Variants in ADCY8 observed in about 807,000 individuals in gnomAD.
ADCY8 encodes adenylate cyclase 8.
Under a neutral mutation model 119.7 loss-of-function variants are expected in ADCY8, and 51 were observed. The observed-to-expected ratio is 0.43, with a 90% confidence interval of 0.34 to 0.54. The LOEUF is 0.54. Among genes scored for constraint, ADCY8 ranks in the 20% least tolerant of loss-of-function variants. ADCY8 has a pLI of 0.03. For synonymous variants in ADCY8, 665 were observed against 651.0 expected, an observed-to-expected ratio of 1.02 and a Z score of -0.33; for missense variants, 1,383 against 1,598.8, an observed-to-expected ratio of 0.87 and a Z score of 2.30.
In ADCY8 at chr8:130,827,426, C is replaced by G. The variant is rs541100086; in HGVS notation, c.2676-6006G>C. On this transcript the variant is annotated intron_variant, in intron 12 of 17. Transcript: ENST00000286355. ...GCATAATAAGATTAGGGTGGGGCAG[C>G]CAGCTTTCCCCATGCTCTATGTAAA... Among the ~76,000 whole-genome samples, 8 of 152,236 alleles carry G rather than the reference C, an allele frequency of 5.3e-5. No homozygotes were observed. In the South Asian group the frequency reaches 1.5e-3, roughly 28 times the overall value.
chr8:130,946,234 G>T (rs1200067864), intron 3 of ADCY8, among the ~76,000 whole-genome samples: 1 of 152,202 alleles, frequency 6.6e-6, no homozygotes, highest in Non-Finnish European at 1.5e-5. Context: ...GTGAGCAGAT[G>T]ATAGCATCAT....
intron 1 of ADCY8, among the ~76,000 whole-genome samples, chr8:130,992,724 T>A (rs1226994039): frequency 1.3e-5 from 2 of 151,856 alleles, no homozygotes; most frequent in African/African-American, 2.4e-5. Flanking sequence ...CAAAAAAAAA[T>A]TTTTAAATGA....
At chr8:130,926,880 TC>T (rs1360147287) in intron 5 of ADCY8, among the ~76,000 whole-genome samples, 3 of 151,836 alleles carry the variant, frequency 2.0e-5, no homozygotes, top group African/African-American at 7.3e-5. Context: ...ATGTCCACGT[TC>T]ATCTATATTA....
At position 130,951,873 on chromosome 8, in the gene ADCY8, G is replaced by A. The variant is rs755383361; in HGVS notation, c.1236C>T (p.Asn412=). The A allele has an allele frequency of 9.9e-6, 16 of 1,613,852 alleles. No homozygotes were observed. Among genetic ancestry groups the A allele is most frequent in the Middle Eastern group, 1.6e-4 (1 of 6,072 alleles). Residue 412 remains asparagine (N), a synonymous_variant, in exon 3 of 18, where the codon AAC becomes AAT. Transcript: ENST00000286355. ...AAGGGTGTTGTGTTTCTCACCTGACGTTCTCATAGCGATGGATGTAGATCC... is the reference window on the plus strand; with the variant it reads ...AAGGGTGTTGTGTTTCTCACCTGACATTCTCATAGCGATGGATGTAGATCC... ...FHRIYIHRYE[N]VSILFADVKG... is the part of the protein sequence containing the mutation.
intron 7 of ADCY8, among the ~76,000 whole-genome samples, chr8:130,887,560 C>A (rs1342446714): frequency 6.6e-6 from 1 of 152,098 alleles, no homozygotes. Flanking sequence ...TTACATATGA[C>A]AATTACAAAT....
In ADCY8 at chr8:130,846,916, C is replaced by T. The variant is rs539907798; in HGVS notation, c.2502+508G>A. Among the ~76,000 whole-genome samples the T allele has an allele frequency of 6.7e-5, 8 of 118,780 alleles. No individual in the cohort carries two copies. In the South Asian group the frequency reaches 1.7e-3, roughly 25 times the overall value. 77.9% of individuals were successfully genotyped at this position (118,780 alleles called of 152,430 possible). On this transcript the variant is annotated intron_variant, in intron 11 of 17. Coordinates refer to ENST00000286355, the MANE Select transcript of ADCY8 (RefSeq NM_001115.3). ...CCTTCCTTCCTTCCTTCCTTCCTTC[C>T]TTCCTTCCTTCCTTCCTTCCTTCTC...
Position 130,874,520 on chromosome 8 carries a change from C to G in ADCY8, c.2110-6574G>C, listed in dbSNP as rs187227371. ...ACAGGTGAGTGTGCAGAATGTCTCA[C>G]TGACATACTTCTTCCCAAGCAAACT... On this transcript the variant is annotated intron_variant, in intron 8 of 17. Coordinates refer to ENST00000286355, the MANE Select transcript of ADCY8 (RefSeq NM_001115.3). 1.3e-3 allele frequency among the ~76,000 whole-genome samples: 191 copies of G among 152,164 alleles called. 4 individuals are homozygous for G. The South Asian group carries it at 0.039, about 31-fold the overall frequency.
At chr8:130,817,517 G>A (rs765778015) in intron 13 of ADCY8, among the ~76,000 whole-genome samples, 2 of 151,990 alleles carry the variant, frequency 1.3e-5, no homozygotes, top group Admixed American at 6.6e-5. Flanking sequence ...TTTTTAATAC[G>A]GGAAACCAGG....
chr8:130,796,543 C>T (rs1815583065), intron 15 of ADCY8, among the ~76,000 whole-genome samples: 1 of 152,086 alleles, frequency 6.6e-6, no homozygotes, highest in South Asian at 2.1e-4. Flanking sequence ...TTAAAGTGAA[C>T]AGCAGGGGTC....
At chr8:130,818,772 C>T (rs1387931986) in intron 13 of ADCY8, among the ~76,000 whole-genome samples, 1 of 152,164 alleles carries the variant, frequency 6.6e-6, no homozygotes, top group Admixed American at 6.5e-5. Context: ...TGAAGTGATA[C>T]AACCCTGCAG....
chr8:131,008,040 TC>T (rs150308023), intron 1 of ADCY8, among the ~76,000 whole-genome samples: 3,710 of 152,284 alleles, frequency 0.024, 49 homozygotes, highest in East Asian at 0.056. Context: ...TAATTTATTG[TC>T]CAATCAGAAT....
chr8:130,890,630 C>T (rs1819153403), intron 7 of ADCY8, among the ~76,000 whole-genome samples: 1 of 152,146 alleles, frequency 6.6e-6, no homozygotes, highest in Admixed American at 6.5e-5. Context: ...CCTAGTGACG[C>T]TTGTCAATGT....
At chr8:130,983,937 T>C (rs1054376146) in intron 2 of ADCY8, among the ~76,000 whole-genome samples, 4 of 152,210 alleles carry the variant, frequency 2.6e-5, no homozygotes, top group African/African-American at 7.2e-5. Flanking sequence ...GAAGCAGACA[T>C]GAGCTTCCTA....
At chr8:130,888,141 A>G (rs1027768805) in intron 7 of ADCY8, among the ~76,000 whole-genome samples, 1 of 152,034 alleles carries the variant, frequency 6.6e-6, no homozygotes, top group African/African-American at 2.4e-5. Flanking sequence ...AATTGGCTAA[A>G]GAATAGGAAA....
chr8:130,920,901 A>G (rs894180019), intron 5 of ADCY8, among the ~76,000 whole-genome samples: 3 of 152,198 alleles, frequency 2.0e-5, no homozygotes, highest in African/African-American at 7.2e-5. Context: ...TCAAGCTACA[A>G]TATCAACTCT....
rs1820097029 is a variant in ADCY8, at chr8:130,915,393, A to G, written c.1482-5527T>C. Among the ~76,000 whole-genome samples the G allele has an allele frequency of 2.0e-5, 3 of 152,332 alleles. No individual in the cohort carries two copies. The South Asian group carries it at 6.2e-4, about 32-fold the overall frequency. On this transcript the variant is annotated intron_variant, in intron 5 of 17. Coordinates refer to ENST00000286355, the MANE Select transcript of ADCY8 (RefSeq NM_001115.3). The stretch of plus-strand genomic sequence containing the variant: ...AATTCAGTAGCAATCATTGATCTAT[A>G]CATTAGACAGGAATCCCAATGCTGT...
chr8:130,783,765 T>A lies in ADCY8; in HGVS notation c.3194A>T (p.Asp1065Val), dbSNP rs1420143833. The change falls in exon 17 of 18, where the codon GAC (aspartate) becomes GTC (valine). Residue 1065 changes from aspartate to valine, a missense_variant. This residue lies in a region of ADCY8 where 928 missense variants were observed against 1,163.5 expected (regional missense o/e 0.80). Transcript: ENST00000286355. ...DKWGHLCALA[D>V]FSLALTESIQ... is the part of the protein sequence containing the mutation. Reference sequence around the variant, plus strand: ...GCTTTCTGTCAGGGCGAGTGAGAAGTCAGCCAGAGCACACAAATGTCCCCA... The same window carrying A: ...GCTTTCTGTCAGGGCGAGTGAGAAGACAGCCAGAGCACACAAATGTCCCCA... 6.2e-7 allele frequency: 1 copy of A among 1,613,880 alleles called. No homozygotes were observed. Among genetic ancestry groups the A allele is most frequent in the Non-Finnish European group, 8.5e-7 (1 of 1,179,866 alleles).
chr8:130,954,034 G>A (rs946885483), intron 2 of ADCY8, among the ~76,000 whole-genome samples: 40 of 152,220 alleles, frequency 2.6e-4, no homozygotes, highest in Non-Finnish European at 5.1e-4. Context: ...GGGCACTAGT[G>A]CTCTGTCAAT....
At position 130,988,369 on chromosome 8, in the gene ADCY8, G is replaced by T. The variant is rs553431030; in HGVS notation, c.1110+2024C>A. 7.9e-5 allele frequency among the ~76,000 whole-genome samples: 12 copies of T among 152,270 alleles called. No homozygotes were observed. In the East Asian group the frequency reaches 2.3e-3, roughly 29 times the overall value. ...AGTTGTGAACACAGGACTAAAAGAAGCCTACACAGTATTTTACTTAATCCT... is the reference window on the plus strand; with the variant it reads ...AGTTGTGAACACAGGACTAAAAGAATCCTACACAGTATTTTACTTAATCCT... On this transcript the variant is annotated intron_variant, in intron 2 of 17. Coordinates refer to ENST00000286355, the MANE Select transcript of ADCY8 (RefSeq NM_001115.3).
Sources: allele counts gnomAD v4.1 joint callset (sites outside exome capture counted in the v4.1 genomes callset), GRCh38; gene constraint gnomAD v4.1.1; regional missense constraint gnomAD v4.1.1; transcripts MANE v1.5; gene names NCBI Gene and HGNC (gene_info 2026-07-23, HGNC 2026-07-21).